FAM193A: variants seen among roughly 807,000 people sequenced by gnomAD.
The protein encoded by FAM193A is family with sequence similarity 193 member A, also known as protein FAM193A.
FAM193A carries 22 observed loss-of-function variants against 126.5 expected under a neutral mutation model. The ratio of observed to expected loss-of-function variants is 0.17; its 90% CI spans 0.12 to 0.25. The LOEUF is 0.25. FAM193A is among the 10% of genes least tolerant of loss of function. The probability of loss-of-function intolerance (pLI) is 1.00; values close to 1 mark genes in which losing one functional copy is unlikely to be tolerated. For missense variants in FAM193A, 1,675 were observed against 1,672.8 expected (o/e 1.00, Z -0.02); for synonymous variants, 761 against 646.8 (o/e 1.18, Z -2.68).
intron 1 of FAM193A, among the ~76,000 whole-genome samples, chr4:2,552,311 GA>G (rs1211948462): frequency 3.7e-4 from 2 of 5,408 alleles, no homozygotes; most frequent in East Asian, 0.026. Flanking sequence ...GCGCCCGGCT[GA>G]TTTTTTTTTG....
chr4:2,629,856 G>A (rs981756888), intron 4 of FAM193A, among the ~76,000 whole-genome samples: 4 of 152,166 alleles, frequency 2.6e-5, no homozygotes, highest in African/African-American at 9.7e-5. Flanking sequence ...TATCGGCCGG[G>A]TGCGGTGGCT....
In FAM193A at chr4:2,639,786, C is replaced by T. The variant is rs140040835; in HGVS notation, c.1090C>T (p.His364Tyr). Residue 364 changes from histidine to tyrosine, a missense_variant, in exon 6 of 21, where the codon CAC (histidine) becomes TAC (tyrosine). Coordinates refer to ENST00000637812, the MANE Select transcript of FAM193A (RefSeq NM_001366318.2). ...FQVTWELHNK[H>Y]LFENLVFSEP... Reference sequence around the variant, plus strand: ...AGTGACGTGGGAACTGCATAATAAACACCTGTTTGAAAATCTGGTCTTTTC... The same window carrying T: ...AGTGACGTGGGAACTGCATAATAAATACCTGTTTGAAAATCTGGTCTTTTC... 1.9e-6 allele frequency: 3 copies of T among 1,613,656 alleles called. No individual in the cohort carries two copies. The highest frequency in any genetic ancestry group is 2.5e-6 in the Non-Finnish European group (3 of 1,179,732).
At chr4:2,728,331 A>T (rs1470499601) in intron 20 of FAM193A, among the ~76,000 whole-genome samples, 2 of 148,598 alleles carry the variant, frequency 1.3e-5, no homozygotes, top group Non-Finnish European at 3.0e-5. Flanking sequence ...CAGTCTTCCA[A>T]AGTACTAGGA....
intron 3 of FAM193A, among the ~76,000 whole-genome samples, chr4:2,625,765 C>G (rs951456383): frequency 4.1e-5 from 6 of 144,908 alleles, no homozygotes; most frequent in African/African-American, 1.5e-4. Context: ...CTGGCTCTGT[C>G]CCCCAGGCCG....
intron 1 of FAM193A, among the ~76,000 whole-genome samples, chr4:2,551,488 A>G (rs570741730): frequency 7.2e-5 from 11 of 152,096 alleles, no homozygotes; most frequent in Non-Finnish European, 1.6e-4. Context: ...GATGGGAATT[A>G]TTTCTTTCTC....
At chr4:2,717,452 T>C (rs1329463059) in intron 20 of FAM193A, among the ~76,000 whole-genome samples, 4 of 151,754 alleles carry the variant, frequency 2.6e-5, no homozygotes, top group African/African-American at 9.7e-5. Context: ...AAAAATTACC[T>C]GGACGTGGTG....
rs1745193803 is a variant in FAM193A, at chr4:2,646,819, A to G, written c.1298A>G (p.Tyr433Cys). Residue 433 changes from tyrosine to cysteine, a missense_variant, in exon 7 of 21, where the codon TAT becomes TGT. Physicochemically the swap from Tyr to Cys is radical, Grantham distance 194. Around this residue, in one of 4 missense-constraint regions of FAM193A, gnomAD observed 1,186 missense variants for 1,109.2 expected, o/e 1.07. Coordinates refer to ENST00000637812, the MANE Select transcript of FAM193A (RefSeq NM_001366318.2). ...GAGTGCCAGAAGAGGATCGACGCCTATGTCGACGAGCAGGTGAGTGCCACC... is the reference window on the plus strand; with the variant it reads ...GAGTGCCAGAAGAGGATCGACGCCTGTGTCGACGAGCAGGTGAGTGCCACC... ...WLECQKRIDA[Y>C]VDEQMTMKTK... The G allele has an allele frequency of 6.2e-7, 1 of 1,612,582 alleles. No homozygotes were observed. Among genetic ancestry groups the G allele is most frequent in the Non-Finnish European group, 8.5e-7 (1 of 1,179,344 alleles).
At chr4:2,590,007 G>C (rs1740431510) in intron 1 of FAM193A, among the ~76,000 whole-genome samples, 1 of 151,780 alleles carries the variant, frequency 6.6e-6, no homozygotes, top group Non-Finnish European at 1.5e-5. Context: ...TGGTGGCGCA[G>C]GCATGTAATC....
intron 2 of FAM193A, among the ~76,000 whole-genome samples, chr4:2,604,784 CTTTTTCCTTTTTTT>C: frequency 8.2e-6 from 1 of 121,668 alleles, no homozygotes; most frequent in Non-Finnish European, 1.8e-5. Flanking sequence ...TTTCTTTTTT[CTTTTTCCTTTTTTT>C]TTTTTTTTTT....
Position 2,729,286 on chromosome 4 carries a change from G to C in FAM193A, c.4455-2489G>C, listed in dbSNP as rs192747369. 9.3e-4 allele frequency among the ~76,000 whole-genome samples: 141 copies of C among 152,244 alleles called. 1 individual carries two copies. The highest frequency in any genetic ancestry group is 3.2e-3 in the African/African-American group (134 of 41,540). ...GGGAAGGGAAGATCGCCTCAGGTGA[G>C]CATGCGCATGCTCCAGTAAACACAC... On this transcript the variant is annotated intron_variant, in intron 20 of 20. Coordinates refer to ENST00000637812, the MANE Select transcript of FAM193A (RefSeq NM_001366318.2).
chr4:2,687,368 T>C (rs1456858095), intron 13 of FAM193A, among the ~76,000 whole-genome samples: 1 of 152,174 alleles, frequency 6.6e-6, no homozygotes, highest in African/African-American at 2.4e-5. Context: ...ACTCTTACCA[T>C]ACCCCTGGAG....
chr4:2,704,497 G>A (rs569718576), intron 19 of FAM193A, among the ~76,000 whole-genome samples: 7 of 152,182 alleles, frequency 4.6e-5, no homozygotes, highest in South Asian at 4.1e-4. Context: ...CCTGGGAGGC[G>A]GAGGTTGCAG....
intron 2 of FAM193A, 32 bp downstream of exon 2, chr4:2,596,361 C>A (rs759918086): frequency 1.4e-6 from 1 of 692,888 alleles, no homozygotes; most frequent in Non-Finnish European, 2.6e-6. Flanking sequence ...CAGCGCAGGG[C>A]GTTGGCTCCC....
At chr4:2,597,382 T>A (rs1216121403) in intron 2 of FAM193A, among the ~76,000 whole-genome samples, 3 of 152,188 alleles carry the variant, frequency 2.0e-5, no homozygotes, top group Non-Finnish European at 4.4e-5. Context: ...TTCTTTGCTT[T>A]TTGTGGTGGT....
At chr4:2,542,328 C>T (rs1333523274) in intron 1 of FAM193A, among the ~76,000 whole-genome samples, 1 of 151,814 alleles carries the variant, frequency 6.6e-6, no homozygotes, top group Non-Finnish European at 1.5e-5. Context: ...TTAGTAGAGA[C>T]GGGGTTTCAC....
intron 13 of FAM193A, among the ~76,000 whole-genome samples, chr4:2,673,479 A>G (rs1158540202): frequency 6.6e-6 from 1 of 152,230 alleles, no homozygotes; most frequent in East Asian, 1.9e-4. Flanking sequence ...AGTTTGCCAC[A>G]TCTATTGTAA....
chr4:2,717,256 A>T (rs1468532118), intron 20 of FAM193A, among the ~76,000 whole-genome samples: 2 of 152,178 alleles, frequency 1.3e-5, no homozygotes, highest in African/African-American at 4.8e-5. Flanking sequence ...CTGAGATTAC[A>T]GGTGTGATTA....
At chr4:2,546,628 G>A (rs1376138944) in intron 1 of FAM193A, among the ~76,000 whole-genome samples, 1 of 152,126 alleles carries the variant, frequency 6.6e-6, no homozygotes, top group Admixed American at 6.6e-5. Flanking sequence ...CTGCTGTGTA[G>A]TATTCTGTTG....
chr4:2,679,099 A>G (rs1333157079), intron 13 of FAM193A, among the ~76,000 whole-genome samples: 1 of 151,908 alleles, frequency 6.6e-6, no homozygotes, highest in East Asian at 1.9e-4. Flanking sequence ...TTCTATTCCT[A>G]GTTTGTTGGG....
Sources: allele counts gnomAD v4.1 joint callset (sites outside exome capture counted in the v4.1 genomes callset), GRCh38; gene constraint gnomAD v4.1.1; regional missense constraint gnomAD v4.1.1; transcripts MANE v1.5; gene names NCBI Gene and HGNC (gene_info 2026-07-23, HGNC 2026-07-21).